The following RBMS3 variants were observed in gnomAD, a reference collection of about 807,000 sequenced individuals.
The protein encoded by RBMS3 is RNA-binding motif, single-stranded-interacting protein 3.
In RBMS3, 27 loss-of-function variants were observed where a neutral mutation model predicts 66.8. That is an observed-to-expected ratio of 0.40 (90% CI 0.30 to 0.56). The LOEUF (loss-of-function observed/expected upper bound fraction) is 0.56. Ranked by LOEUF, RBMS3 falls within the 20% of genes least tolerant of loss-of-function variation. The pLI, the probability that RBMS3 is intolerant of heterozygous loss-of-function variation, is 0.40. For synonymous variants in RBMS3, 188 were observed against 183.0 expected (o/e 1.03, Z -0.22); for missense variants, 513 against 549.5 (o/e 0.93, Z 0.66).
intron 1 of RBMS3, among the ~76,000 whole-genome samples, chr3:29,373,617 A>T (rs1041558482): frequency 7.9e-5 from 12 of 152,206 alleles, no homozygotes; most frequent in African/African-American, 2.9e-4. Context: ...GATTTGTGCT[A>T]GAGACTGGGA....
intron 4 of RBMS3, among the ~76,000 whole-genome samples, chr3:29,665,270 C>G (rs933271111): frequency 5.3e-5 from 8 of 152,214 alleles, no homozygotes; most frequent in African/African-American, 1.9e-4. Context: ...GAAGAATAAC[C>G]AAATTCTACA....
At chr3:29,405,419 T>C (rs2039978033) in intron 1 of RBMS3, among the ~76,000 whole-genome samples, 2 of 152,166 alleles carry the variant, frequency 1.3e-5, no homozygotes, top group African/African-American at 4.8e-5. Flanking sequence ...GAAGAGAAAA[T>C]GTTTTTCCAC....
intron 3 of RBMS3, among the ~76,000 whole-genome samples, chr3:29,521,024 C>T (rs1431089484): frequency 6.6e-6 from 1 of 152,040 alleles, no homozygotes. Flanking sequence ...ATTTAAGAGG[C>T]CCTCCTCTGA....
At chr3:29,514,122 T>C (rs1445411207) in intron 3 of RBMS3, among the ~76,000 whole-genome samples, 3 of 152,186 alleles carry the variant, frequency 2.0e-5, no homozygotes, top group African/African-American at 7.2e-5. Context: ...ATATAATAGA[T>C]TGGTAAAACA....
intron 6 of RBMS3, among the ~76,000 whole-genome samples, chr3:29,778,713 A>C (rs2149405911): frequency 6.6e-6 from 1 of 151,924 alleles, no homozygotes; most frequent in Non-Finnish European, 1.5e-5. Flanking sequence ...TTTGTTCCTC[A>C]ATTTCCCCTT....
intron 6 of RBMS3, among the ~76,000 whole-genome samples, chr3:29,791,564 T>A (rs1273217984): frequency 6.6e-6 from 1 of 152,208 alleles, no homozygotes; most frequent in East Asian, 1.9e-4. Flanking sequence ...CTCGGACCAG[T>A]CTATAAGGAA....
chr3:29,369,448 C>T (rs1018818256), intron 1 of RBMS3, among the ~76,000 whole-genome samples: 1 of 149,766 alleles, frequency 6.7e-6, no homozygotes, highest in African/African-American at 2.5e-5. Context: ...ACTTCTTAAG[C>T]CAGTGTCCCC....
At chr3:29,496,442 A>G (rs2043756739) in intron 3 of RBMS3, among the ~76,000 whole-genome samples, 1 of 152,188 alleles carries the variant, frequency 6.6e-6, no homozygotes, top group African/African-American at 2.4e-5. Flanking sequence ...ATATGCAGGA[A>G]CTTTGGAACC....
At chr3:29,351,482 T>C (rs2036908628) in intron 1 of RBMS3, among the ~76,000 whole-genome samples, 1 of 152,094 alleles carries the variant, frequency 6.6e-6, no homozygotes, top group African/African-American at 2.4e-5. Context: ...TCTCTTAATT[T>C]TACTATATAT....
In RBMS3 at chr3:29,524,528, A is replaced by G. The variant is rs1007225015; in HGVS notation, c.307+36029A>G. ...CCACAATCTCCGCCTCCCGGTTTCA[A>G]GCTATTCTCCTGCCTCAGCCTCCTG... On this transcript the variant is annotated intron_variant, in intron 3 of 14. Transcript: ENST00000383767. Among the ~76,000 whole-genome samples the G allele has an allele frequency of 9.6e-5, 14 of 145,948 alleles. No individual in the cohort carries two copies. In the East Asian group the frequency reaches 2.9e-3, roughly 30 times the overall value.
chr3:29,874,729 TTAAAA>T (rs1447374762), intron 7 of RBMS3, among the ~76,000 whole-genome samples: 1 of 152,086 alleles, frequency 6.6e-6, no homozygotes, highest in African/African-American at 2.4e-5. Flanking sequence ...ACTTCTAGTC[TTAAAA>T]TAAACCTTTT....
chr3:29,981,623 G>A (rs1577311332), intron 12 of RBMS3, among the ~76,000 whole-genome samples: 1 of 151,950 alleles, frequency 6.6e-6, no homozygotes, highest in Non-Finnish European at 1.5e-5. Context: ...GTTTATTGAG[G>A]GTTTTTAGCA....
chr3:29,343,718 G>A (rs2036414571), intron 1 of RBMS3, among the ~76,000 whole-genome samples: 1 of 152,164 alleles, frequency 6.6e-6, no homozygotes, highest in African/African-American at 2.4e-5. Context: ...CTAGAAAACA[G>A]TTCCTTTACA....
chr3:29,284,310 A>T lies in RBMS3; in HGVS notation c.75+2554A>T, dbSNP rs968869665. Among the ~76,000 whole-genome samples, 82 of 152,150 alleles carry T rather than the reference A, an allele frequency of 5.4e-4. 1 individual carries two copies. Among genetic ancestry groups the T allele is most frequent in the African/African-American group, 1.8e-3 (73 of 41,548 alleles). On this transcript the variant is annotated intron_variant, in intron 1 of 14. Coordinates refer to ENST00000383767, the MANE Select transcript of RBMS3 (RefSeq NM_001003793.3). Reference sequence around the variant, plus strand: ...TAACATATCTTAAATTTTTCTCTAAATTGAGGTAGGTTTTCTTCCTGCCAA... The same window carrying T: ...TAACATATCTTAAATTTTTCTCTAATTTGAGGTAGGTTTTCTTCCTGCCAA...
intron 4 of RBMS3, among the ~76,000 whole-genome samples, chr3:29,712,964 T>A (rs1559597119): frequency 6.6e-6 from 1 of 152,230 alleles, no homozygotes; most frequent in South Asian, 2.1e-4. Context: ...ATCCCATTTC[T>A]TTTTCAGAGA....
intron 4 of RBMS3, among the ~76,000 whole-genome samples, chr3:29,612,767 C>T (rs2048535418): frequency 6.6e-6 from 1 of 152,030 alleles, no homozygotes; most frequent in Non-Finnish European, 1.5e-5. Context: ...TTGCTTTTGC[C>T]TTTTTGGCCA....
intron 1 of RBMS3, among the ~76,000 whole-genome samples, chr3:29,353,736 T>A (rs1175336720): frequency 6.6e-6 from 1 of 152,100 alleles, no homozygotes; most frequent in African/African-American, 2.4e-5. Flanking sequence ...TAATTAATTA[T>A]TGCTTGAAAG....
intron 12 of RBMS3, among the ~76,000 whole-genome samples, chr3:29,969,891 T>C (rs1025849662): frequency 6.6e-6 from 1 of 152,180 alleles, no homozygotes; most frequent in Non-Finnish European, 1.5e-5. Flanking sequence ...TGTACAACTT[T>C]TGATTGATTT....
At chr3:29,526,608 G>A (rs1056568968) in intron 3 of RBMS3, among the ~76,000 whole-genome samples, 21 of 132,822 alleles carry the variant, frequency 1.6e-4, no homozygotes, top group Non-Finnish European at 2.8e-4. Flanking sequence ...GGTCTTCTAA[G>A]CAATTCTGAG....
Sources: allele counts gnomAD v4.1 joint callset (sites outside exome capture counted in the v4.1 genomes callset), GRCh38; gene constraint gnomAD v4.1.1; transcripts MANE v1.5; gene names NCBI Gene and HGNC (gene_info 2026-07-23, HGNC 2026-07-21).